The following GRM5 variants were observed in gnomAD, a reference collection of about 807,000 sequenced individuals.
The protein encoded by GRM5 is metabotropic glutamate receptor 5.
A neutral mutation model predicts 83.1 loss-of-function variants in GRM5; 19 were observed. The ratio of observed to expected loss-of-function variants is 0.23; its 90% confidence interval spans 0.16 to 0.34. The LOEUF (loss-of-function observed/expected upper bound fraction) is 0.34, where lower values mean the gene tolerates loss of function less well. Ranked by LOEUF, GRM5 falls within the 10% of genes least tolerant of loss-of-function variation. GRM5 has a pLI of 1.00. For synonymous variants in GRM5, 675 were observed against 633.6 expected, an observed-to-expected ratio of 1.07 and a Z score of -0.98; for missense variants, 1,160 against 1,588.3, an observed-to-expected ratio of 0.73 and a Z score of 4.58.
intron 2 of GRM5, among the ~76,000 whole-genome samples, chr11:89,042,612 T>G (rs1354023974): frequency 6.6e-6 from 1 of 152,170 alleles, no homozygotes; most frequent in African/African-American, 2.4e-5. Context: ...CAAAATAAAG[T>G]CCTTTTAAAA....
chr11:88,593,361 A>G (rs948409281), intron 6 of GRM5, among the ~76,000 whole-genome samples: 5 of 152,024 alleles, frequency 3.3e-5, no homozygotes, highest in African/African-American at 9.7e-5. Context: ...AGCAAATATT[A>G]TTACAAAATG....
chr11:89,009,192 C>G, intron 2 of GRM5: 1 of 637,590 alleles, frequency 1.6e-6, no homozygotes, highest in South Asian at 1.9e-5. Context: ...TTTGTTAACA[C>G]AAAGGTAAGT....
chr11:88,671,265 C>G (rs1940186470), intron 3 of GRM5, among the ~76,000 whole-genome samples: 1 of 151,922 alleles, frequency 6.6e-6, no homozygotes, highest in South Asian at 2.1e-4. Flanking sequence ...AGACAGATTC[C>G]AACTCTGCCA....
chr11:88,922,946 A>T (rs1378226921), intron 2 of GRM5, among the ~76,000 whole-genome samples: 6 of 152,214 alleles, frequency 3.9e-5, no homozygotes, highest in Admixed American at 2.0e-4. Flanking sequence ...AAAAGAAGTT[A>T]TACAAATGGC....
intron 3 of GRM5, among the ~76,000 whole-genome samples, chr11:88,730,700 G>C (rs1478554535): frequency 6.6e-6 from 1 of 152,124 alleles, no homozygotes; most frequent in Non-Finnish European, 1.5e-5. Context: ...AAAAAAGGAT[G>C]AGTTCATGTC....
intron 7 of GRM5, among the ~76,000 whole-genome samples, chr11:88,578,414 A>G (rs1033101006): frequency 7.9e-5 from 12 of 152,174 alleles, no homozygotes; most frequent in Admixed American, 6.5e-4. Context: ...ACTGAAATCA[A>G]TGAAATCACA....
At chr11:88,557,475 A>C (rs528282506) in intron 8 of GRM5, among the ~76,000 whole-genome samples, 2 of 152,218 alleles carry the variant, frequency 1.3e-5, no homozygotes, top group South Asian at 4.1e-4. Context: ...TGGATGTCTA[A>C]AGTGGGTGTT....
intron 2 of GRM5, among the ~76,000 whole-genome samples, chr11:89,020,360 C>A (rs1940951400): frequency 1.3e-5 from 2 of 152,172 alleles, no homozygotes; most frequent in African/African-American, 2.4e-5. Flanking sequence ...GAGCATGCTC[C>A]CTTACAGGAA....
At chr11:89,060,450 G>C (rs1941968942) in intron 1 of GRM5, among the ~76,000 whole-genome samples, 1 of 151,998 alleles carries the variant, frequency 6.6e-6, no homozygotes, top group Non-Finnish European at 1.5e-5. Flanking sequence ...ACTATGCACT[G>C]TTCTTTGACA....
At chr11:88,690,977 C>A (rs1940767156) in intron 3 of GRM5, among the ~76,000 whole-genome samples, 1 of 152,140 alleles carries the variant, frequency 6.6e-6, no homozygotes, top group African/African-American at 2.4e-5. Flanking sequence ...GCCTATGGAT[C>A]AATTTTTTAG....
At chr11:88,584,159 A>G (rs1943266402) in intron 7 of GRM5, among the ~76,000 whole-genome samples, 1 of 151,618 alleles carries the variant, frequency 6.6e-6, no homozygotes, top group Non-Finnish European at 1.5e-5. Context: ...TGGAACAAAT[A>G]AAATCTATAT....
chr11:88,651,873 C>G (rs1193349291), intron 4 of GRM5, among the ~76,000 whole-genome samples: 1 of 152,058 alleles, frequency 6.6e-6, no homozygotes, highest in Non-Finnish European at 1.5e-5. Flanking sequence ...TCACAAACCA[C>G]CATTGACTAT....
chr11:88,619,294 G>A (rs770143374), intron 4 of GRM5, among the ~76,000 whole-genome samples: 1 of 152,204 alleles, frequency 6.6e-6, no homozygotes, highest in African/African-American at 2.4e-5. Context: ...GCTGAAGAAA[G>A]GAAGCCCTTG....
At chr11:88,963,003 T>A (rs1430109753) in intron 2 of GRM5, among the ~76,000 whole-genome samples, 1 of 152,134 alleles carries the variant, frequency 6.6e-6, no homozygotes, top group Non-Finnish European at 1.5e-5. Flanking sequence ...GCAGGAGAAT[T>A]GTTTGAACCC....
intron 2 of GRM5, among the ~76,000 whole-genome samples, chr11:88,936,110 G>C (rs1326671760): frequency 6.6e-6 from 1 of 151,840 alleles, no homozygotes; most frequent in Admixed American, 6.6e-5. Context: ...AGGCAGGTGT[G>C]AAAAGTGTGT....
chr11:88,874,438 C>A (rs1944817674), intron 2 of GRM5, among the ~76,000 whole-genome samples: 1 of 151,890 alleles, frequency 6.6e-6, no homozygotes, highest in African/African-American at 2.4e-5. Flanking sequence ...AAAATCAACT[C>A]AAATTGGATT....
chr11:88,774,426 T>C (rs1034094354), intron 3 of GRM5, among the ~76,000 whole-genome samples: 3 of 152,330 alleles, frequency 2.0e-5, no homozygotes, highest in Admixed American at 2.0e-4. Flanking sequence ...CATTTCCTAA[T>C]TGAATACCCT....
At chr11:88,794,880 C>A (rs749146494) in intron 3 of GRM5, among the ~76,000 whole-genome samples, 2 of 152,152 alleles carry the variant, frequency 1.3e-5, no homozygotes, top group African/African-American at 2.4e-5. Context: ...TTCATGAGAC[C>A]AGTTAGTGCA....
chr11:88,776,420 G>A (rs1942851015), intron 3 of GRM5, among the ~76,000 whole-genome samples: 1 of 152,082 alleles, frequency 6.6e-6, no homozygotes. Flanking sequence ...TTTAATTGGG[G>A]CATTTAGACC....
Sources: gnomAD v4.1 joint callset for allele counts (sites outside exome capture counted in the v4.1 genomes callset) on GRCh38, gnomAD v4.1.1 for gene constraint, MANE v1.5 for transcripts, NCBI Gene and HGNC (gene_info 2026-07-23, HGNC 2026-07-21) for gene names.